EPHB2: variants seen among roughly 807,000 people sequenced by gnomAD.
EPHB2 encodes EPH receptor B2, also known as ephrin type-B receptor 2.
Under a neutral mutation model 96.4 loss-of-function variants are expected in EPHB2, and 18 were observed. That is an observed-to-expected ratio of 0.19 (90% confidence interval 0.13 to 0.28). The LOEUF is 0.28. EPHB2 is among the 10% of genes least tolerant of loss of function. The pLI, the probability that EPHB2 is intolerant of heterozygous loss-of-function variation, is 1.00. For synonymous variants in EPHB2, 506 were observed against 534.1 expected, an observed-to-expected ratio of 0.95 and a Z score of 0.72; for missense variants, 989 against 1,355.4, an observed-to-expected ratio of 0.73 and a Z score of 4.25.
intron 3 of EPHB2, among the ~76,000 whole-genome samples, chr1:22,817,908 GGGGTTAGACT>G (rs1298201345): frequency 4.6e-5 from 7 of 152,168 alleles, no homozygotes; most frequent in Non-Finnish European, 1.0e-4. Flanking sequence ...TGAGCTTCCT[GGGGTTAGACT>G]GGGAGGTGGG....
At chr1:22,871,590 G>A (rs2148536145) in intron 5 of EPHB2, among the ~76,000 whole-genome samples, 1 of 152,318 alleles carries the variant, frequency 6.6e-6, no homozygotes, top group Non-Finnish European at 1.5e-5. Flanking sequence ...ACAAGAATGT[G>A]AACAGCACCT....
chr1:22,793,156 C>T (rs935010053), intron 3 of EPHB2, among the ~76,000 whole-genome samples: 10 of 152,158 alleles, frequency 6.6e-5, no homozygotes, highest in African/African-American at 2.4e-4. Context: ...TCTCTCTGGT[C>T]TTCAAATTCC....
At chr1:22,803,885 G>A (rs1450238136) in intron 3 of EPHB2, among the ~76,000 whole-genome samples, 2 of 148,254 alleles carry the variant, frequency 1.3e-5, no homozygotes, top group Admixed American at 6.8e-5. Context: ...GTGCACTCCA[G>A]CCTGGGCAAC....
At chr1:22,871,027 C>T (rs372439833) in intron 5 of EPHB2, among the ~76,000 whole-genome samples, 38 of 152,346 alleles carry the variant, frequency 2.5e-4, no homozygotes, top group South Asian at 4.1e-4. Flanking sequence ...ATCCCCAAAA[C>T]GGCTCACATT....
chr1:22,868,498 C>G (rs1638556563), intron 5 of EPHB2, among the ~76,000 whole-genome samples: 1 of 152,170 alleles, frequency 6.6e-6, no homozygotes, highest in South Asian at 2.1e-4. Context: ...TGTGGGTCAG[C>G]TAGGGTTTGA....
intron 1 of EPHB2, among the ~76,000 whole-genome samples, chr1:22,766,964 G>C (rs931444517): frequency 1.3e-5 from 2 of 152,232 alleles, no homozygotes; most frequent in African/African-American, 4.8e-5. Context: ...CGGCTCTCAT[G>C]TGAACCAGCG....
At chr1:22,768,397 C>T (rs1644334291) in intron 1 of EPHB2, among the ~76,000 whole-genome samples, 1 of 152,144 alleles carries the variant, frequency 6.6e-6, no homozygotes, top group African/African-American at 2.4e-5. Context: ...ATTCAAGACT[C>T]TTTGTGAGGC....
chr1:22,810,397 C>T (rs559331581), intron 3 of EPHB2, among the ~76,000 whole-genome samples: 2 of 152,294 alleles, frequency 1.3e-5, no homozygotes, highest in African/African-American at 2.4e-5. Flanking sequence ...GCCTCCCCTT[C>T]GTGCTGCCCT....
chr1:22,850,733 G>T (rs574149335), intron 3 of EPHB2, among the ~76,000 whole-genome samples: 1 of 152,336 alleles, frequency 6.6e-6, no homozygotes, highest in Admixed American at 6.5e-5. Flanking sequence ...GAGGGATGTG[G>T]CATGAACCCC....
intron 6 of EPHB2, among the ~76,000 whole-genome samples, chr1:22,892,551 C>T (rs1639422205): frequency 6.6e-6 from 1 of 152,132 alleles, no homozygotes; most frequent in Non-Finnish European, 1.5e-5. Context: ...CCTCTCATGG[C>T]AGAAGCACAA....
chr1:22,725,597 T>G (rs1342854108), intron 1 of EPHB2, among the ~76,000 whole-genome samples: 1 of 152,074 alleles, frequency 6.6e-6, no homozygotes. Context: ...CTCCCCAGGT[T>G]TGGAGAAACC....
Position 22,784,759 on chromosome 1 carries a change from GC to G in EPHB2, c.495del (p.Phe166SerfsTer166). On this transcript the variant is annotated frameshift_variant, in exon 3 of 16. Transcript: ENST00000374630. LOFTEE classifies it high-confidence loss of function. The surrounding 1 kb of genome is among the most constrained non-coding windows in gnomAD (Gnocchi z 5.1). Reference sequence around the variant, plus strand: ...ATGAAAATCAACACCGAGGTGCGGAGCTTCGGACCTGTGTCCCGCAGCGGCT... The same window carrying G: ...ATGAAAATCAACACCGAGGTGCGGAGTTCGGACCTGTGTCCCGCAGCGGCT... ...RVMKINTEVR[S>X]FGPVSRSGFY... The G allele has an allele frequency of 6.2e-7, 1 of 1,610,528 alleles. No homozygotes were observed. The highest frequency in any genetic ancestry group is 8.5e-7 in the Non-Finnish European group (1 of 1,177,216).
At chr1:22,811,184 T>G (rs1379459340) in intron 3 of EPHB2, among the ~76,000 whole-genome samples, 1 of 152,186 alleles carries the variant, frequency 6.6e-6, no homozygotes, top group Non-Finnish European at 1.5e-5. Flanking sequence ...CAATCCCATG[T>G]CTGATGCTGT....
Position 22,771,354 on chromosome 1 carries a change from G to A in EPHB2, c.62-10067G>A, listed in dbSNP as rs114127521. On this transcript the variant is annotated intron_variant, in intron 1 of 15. Transcript: ENST00000374630. ...GAAGACATTTGAGATGGGTCTTAAT[G>A]AACATGTCTGAGTGTCCTAGGCAGG... is the stretch of plus-strand genomic sequence containing the variant. Among the ~76,000 whole-genome samples, 1,011 of 152,334 alleles carry A rather than the reference G, an allele frequency of 6.6e-3. 6 individuals are homozygous for A. Among genetic ancestry groups the A allele is most frequent in the Non-Finnish European group, 0.011 (734 of 68,032 alleles).
intron 1 of EPHB2, among the ~76,000 whole-genome samples, chr1:22,719,958 G>A (rs757528810): frequency 5.3e-5 from 8 of 152,164 alleles, no homozygotes; most frequent in Admixed American, 3.3e-4. Context: ...TCTGTTCCCC[G>A]GGTTGTCAGT....
intron 1 of EPHB2, among the ~76,000 whole-genome samples, chr1:22,762,867 G>A (rs1644254351): frequency 6.6e-6 from 1 of 152,154 alleles, no homozygotes; most frequent in African/African-American, 2.4e-5. Flanking sequence ...TCATCATAAG[G>A]AAGGCTAGCA....
At chr1:22,803,617 ATATATATATATATGTGTATATATATGTG>A (rs11272230) in intron 3 of EPHB2, among the ~76,000 whole-genome samples, 124,762 of 135,924 alleles carry the variant, frequency 0.92, 56,988 homozygotes, top group East Asian at 1. Context: ...AAAAAAAATA[ATATATATATATATGTGTATATATATGTG>A]TATATATATA....
chr1:22,867,573 G>C lies in EPHB2; in HGVS notation c.1303+2361G>C, dbSNP rs970972661. ...AGCTGACTCAAAGGAGGCAATCTGA[G>C]AAAACCCTCAAAAACCAGCCGGTCA... On this transcript the variant is annotated intron_variant, in intron 5 of 15. Transcript: ENST00000374630. Among the ~76,000 whole-genome samples the C allele has an allele frequency of 3.9e-5, 6 of 152,242 alleles. No homozygotes were observed. The East Asian group carries it at 1.2e-3, about 29-fold the overall frequency.
chr1:22,913,995 G>A lies in EPHB2; in HGVS notation c.*425G>A, dbSNP rs1640198898. ...ACTTTCAGAAAAACAAATGTGAAGG[G>A]GAGAGACAGGGGCCGCCCTTGGCTC... On this transcript the variant is annotated 3_prime_UTR_variant, in exon 16 of 16. Transcript: ENST00000374630. The surrounding 1 kb of genome is among the most constrained non-coding windows in gnomAD (Gnocchi z 4.1). The A allele has an allele frequency of 7.6e-7, 1 of 1,310,778 alleles. No individual in the cohort carries two copies. Among genetic ancestry groups the A allele is most frequent in the Middle Eastern group, 2.3e-4 (1 of 4,440 alleles). 81.2% of individuals were successfully genotyped at this position (1,310,778 alleles called of 1,614,324 possible). A position where few individuals can be genotyped will look rare whatever the true frequency, so the allele number is the denominator to read the frequency against.
Sources: gnomAD v4.1 joint callset for allele counts (sites outside exome capture counted in the v4.1 genomes callset) on GRCh38, gnomAD v4.1.1 for gene constraint, Gnocchi (gnomAD v3.1) non-coding constraint, MANE v1.5 for transcripts, NCBI Gene and HGNC (gene_info 2026-07-23, HGNC 2026-07-21) for gene names.